CSMD2: variants seen among roughly 807,000 people sequenced by gnomAD.
CSMD2 encodes the protein CUB and sushi domain-containing protein 2.
A neutral mutation model predicts 398.5 loss-of-function variants in CSMD2; 130 were observed. The ratio of observed to expected loss-of-function variants is 0.33; its 90% CI spans 0.28 to 0.38. The LOEUF is 0.38. Among genes scored for constraint, CSMD2 ranks in the 10% least tolerant of loss-of-function variants. CSMD2 has a pLI of 1.00. For missense variants in CSMD2, 3,829 were observed against 4,764.9 expected (o/e 0.80, Z 5.78); for synonymous variants, 1,828 against 1,908.5 (o/e 0.96, Z 1.10).
At chr1:34,022,991 C>G (rs1245911257) in intron 3 of CSMD2, among the ~76,000 whole-genome samples, 1 of 152,088 alleles carries the variant, frequency 6.6e-6, no homozygotes, top group Non-Finnish European at 1.5e-5. Context: ...ACCACCATGC[C>G]TAGCTAATTT....
At chr1:33,564,956 A>G (rs1039317594) in intron 53 of CSMD2, among the ~76,000 whole-genome samples, 3 of 152,242 alleles carry the variant, frequency 2.0e-5, no homozygotes, top group African/African-American at 7.2e-5. Flanking sequence ...GTGATTGCCT[A>G]AATCAAAAAA....
rs1646097784 is a variant in CSMD2 at position 33,714,523 on chromosome 1, A to G, written c.3406+64T>C. The G allele has an allele frequency of 1.9e-6, 3 of 1,553,138 alleles. No individual in the cohort carries two copies. The South Asian group carries it at 3.5e-5, about 18-fold the overall frequency. On this transcript the variant is annotated intron_variant, in intron 21 of 70. Coordinates refer to ENST00000373381, the MANE Select transcript of CSMD2 (RefSeq NM_001281956.2). The stretch of plus-strand genomic sequence containing the variant: ...GCCTGTGTGCCGTCCACCACCTCAC[A>G]TCAATTGACTATAATCTGTCCCACC...
rs567876109 is a variant in CSMD2 at position 33,832,119 on chromosome 1, C to G, written c.1034-6345G>C. Among the ~76,000 whole-genome samples the G allele has an allele frequency of 1.8e-4, 23 of 126,240 alleles. 1 individual carries two copies. In the South Asian group the frequency reaches 6.8e-3, roughly 38 times the overall value. The allele number at this position is 126,240 out of a possible 152,430, so 82.8% of individuals were successfully genotyped here. ...ACAGATCAACGAGACAGAAAGTTAA[C>G]AAGGATACCCAGGAATTGAACTCAG... On this transcript the variant is annotated intron_variant, in intron 6 of 70. Coordinates refer to ENST00000373381, the MANE Select transcript of CSMD2 (RefSeq NM_001281956.2).
At chr1:33,951,489 G>T (rs565897740) in intron 3 of CSMD2, among the ~76,000 whole-genome samples, 1 of 152,280 alleles carries the variant, frequency 6.6e-6, no homozygotes, top group South Asian at 2.1e-4. Flanking sequence ...TTAAGGATAG[G>T]CTCTGTGTCA....
chr1:33,663,886 G>T (rs1644225035), intron 25 of CSMD2, among the ~76,000 whole-genome samples: 1 of 152,188 alleles, frequency 6.6e-6, no homozygotes, highest in Non-Finnish European at 1.5e-5. Flanking sequence ...ACAATACGGT[G>T]TTCCCATAGA....
intron 5 of CSMD2, among the ~76,000 whole-genome samples, chr1:33,875,083 C>T (rs1383261451): frequency 2.0e-5 from 3 of 152,200 alleles, no homozygotes; most frequent in African/African-American, 4.8e-5. Flanking sequence ...CTAGCCCCCA[C>T]TCCCACCCCT....
chr1:33,625,291 C>T (rs763818221), intron 33 of CSMD2, 37 bp from the exon 34 acceptor site: 2 of 1,573,224 alleles, frequency 1.3e-6, no homozygotes, highest in Admixed American at 3.6e-5. Context: ...AGGCCTCACC[C>T]CTCAGAAACT....
At chr1:34,083,764 C>T (rs922662664) in intron 2 of CSMD2, among the ~76,000 whole-genome samples, 3 of 152,006 alleles carry the variant, frequency 2.0e-5, no homozygotes, top group African/African-American at 7.2e-5. Context: ...AGAAAGAGTG[C>T]AAAAATTAGC....
chr1:33,596,753 C>A (rs1318691105), intron 44 of CSMD2, among the ~76,000 whole-genome samples: 1 of 152,152 alleles, frequency 6.6e-6, no homozygotes, highest in African/African-American at 2.4e-5. Context: ...TCCACCTGGT[C>A]CCTCCCATGA....
At chr1:33,672,172 A>T (rs1644525942) in intron 25 of CSMD2, among the ~76,000 whole-genome samples, 1 of 152,242 alleles carries the variant, frequency 6.6e-6, no homozygotes, top group South Asian at 2.1e-4. Flanking sequence ...AGGGCGAGGC[A>T]TCGCCTCACC....
chr1:33,825,112 A>T (rs535870203), intron 7 of CSMD2, among the ~76,000 whole-genome samples: 1 of 151,716 alleles, frequency 6.6e-6, no homozygotes, highest in Non-Finnish European at 1.5e-5. Flanking sequence ...TAGCAGGAAC[A>T]TGTTCTGAAA....
chr1:33,617,458 G>A (rs577465415), intron 38 of CSMD2, 41 bp downstream of exon 38: 1 of 1,487,894 alleles, frequency 6.7e-7, no homozygotes, highest in Non-Finnish European at 9.4e-7. Context: ...CCACATCTCA[G>A]GGGACACCTG....
At position 33,846,866 on chromosome 1, in the gene CSMD2, G is replaced by C. The variant is rs1278052149; in HGVS notation, c.1033+18C>G. On this transcript the variant is annotated intron_variant, in intron 6 of 70. Coordinates refer to ENST00000373381, the MANE Select transcript of CSMD2 (RefSeq NM_001281956.2). ...TGCTGCCCACTGAGGAAGCCAGACA[G>C]TCCTGGGACCTGCCTACCTTGGTAT... The C allele has an allele frequency of 1.3e-6, 2 of 1,561,044 alleles. No homozygotes were observed. Among genetic ancestry groups the C allele is most frequent in the East Asian group, 4.8e-5 (2 of 41,996 alleles).
intron 37 of CSMD2, among the ~76,000 whole-genome samples, chr1:33,621,662 G>A (rs1641780371): frequency 6.6e-6 from 1 of 152,148 alleles, no homozygotes. Flanking sequence ...TCCCCAGAAG[G>A]CACATCCACA....
intron 5 of CSMD2, among the ~76,000 whole-genome samples, chr1:33,852,224 C>A (rs752226379): frequency 6.6e-6 from 1 of 152,190 alleles, no homozygotes; most frequent in Non-Finnish European, 1.5e-5. Flanking sequence ...TCGTTTCTCA[C>A]CTGGACTACA....
Position 33,527,240 on chromosome 1 carries a change from C to G in CSMD2, c.10190G>C (p.Arg3397Thr). ...TGGCTCCCGGGCAGTGTTGATGGGT[C>G]TCCCACTGGGCCGGACCTCTGCTGG... Reference protein sequence around the residue: ...PICLEVRPSGRPINTAREPPL... With the variant: ...PICLEVRPSGTPINTAREPPL... Residue 3397 changes from arginine (R) to threonine (T), a missense_variant, in exon 65 of 71, where the codon AGA becomes ACA. Physicochemically the swap from Arg to Thr is moderately conservative, Grantham distance 71. Transcript: ENST00000373381. The G allele has an allele frequency of 6.2e-7, 1 of 1,613,912 alleles. No homozygotes were observed. Among genetic ancestry groups the G allele is most frequent in the Non-Finnish European group, 8.5e-7 (1 of 1,179,890 alleles).
intron 16 of CSMD2, 71 bp from the exon 17 acceptor site, chr1:33,725,607 T>G: frequency 6.8e-7 from 1 of 1,467,974 alleles, no homozygotes; most frequent in Non-Finnish European, 9.5e-7. Context: ...CATAAAGCCC[T>G]GCCTGACCCA....
In CSMD2 at chr1:33,633,445, C is replaced by G. The variant is rs1017061584; in HGVS notation, c.5177G>C (p.Ser1726Thr). ...DGHSQHSRLL[S>T]SLSGSHTGES... ...ACCTGTATGGGAGCCCGAGAGGGAGCTGAGGAGCCGCGAGTGCTGGCTGTG... is the reference window on the plus strand; with the variant it reads ...ACCTGTATGGGAGCCCGAGAGGGAGGTGAGGAGCCGCGAGTGCTGGCTGTG... The change falls in exon 32 of 71, where the codon AGC (serine) becomes ACC (threonine). Residue 1726 changes from serine (S) to threonine (T), a missense_variant. By Grantham distance (58) the Ser-to-Thr change is moderately conservative. Coordinates refer to ENST00000373381, the MANE Select transcript of CSMD2 (RefSeq NM_001281956.2). This position sits in a 1 kb window ranked among gnomAD's most constrained non-coding sequence, Gnocchi z 5.0. 2.6e-6 allele frequency: 4 copies of G among 1,553,330 alleles called. No individual in the cohort carries two copies. The highest frequency in any genetic ancestry group is 3.5e-6 in the Non-Finnish European group (4 of 1,148,014).
intron 41 of CSMD2, among the ~76,000 whole-genome samples, chr1:33,606,210 C>A (rs1274207296): frequency 6.6e-6 from 1 of 152,192 alleles, no homozygotes; most frequent in Non-Finnish European, 1.5e-5. Context: ...GTCCACAGGA[C>A]ACAGAACAGC....
Sources: allele counts gnomAD v4.1 joint callset (sites outside exome capture counted in the v4.1 genomes callset), GRCh38; gene constraint gnomAD v4.1.1; non-coding constraint Gnocchi (gnomAD v3.1); transcripts MANE v1.5; gene names NCBI Gene and HGNC (gene_info 2026-07-23, HGNC 2026-07-21).